Variants in C16orf96 observed in about 807,000 individuals in gnomAD.
C16orf96 encodes the protein chromosome 16 open reading frame 96.
A neutral mutation model predicts 103.6 loss-of-function variants in C16orf96; 108 were observed. That is an observed-to-expected ratio of 1.04 (90% CI 0.89 to 1.22). C16orf96 has a LOEUF of 1.22. Ranked by LOEUF, C16orf96 falls within the 50% of genes most tolerant of loss-of-function variation. The probability of loss-of-function intolerance (pLI) is 0.00; values close to 1 mark genes in which losing one functional copy is unlikely to be tolerated. For missense variants in C16orf96, 1,586 were observed against 1,464.2 expected (o/e 1.08, Z -1.36); for synonymous variants, 566 against 593.5 (o/e 0.95, Z 0.67).
intron 14 of C16orf96, among the ~76,000 whole-genome samples, chr16:4,597,630 C>T (rs1897201454): frequency 6.6e-6 from 1 of 151,876 alleles, no homozygotes; most frequent in Non-Finnish European, 1.5e-5. Context: ...GATCTCAGCT[C>T]ACTGCCATCT....
chr16:4,575,406 C>T lies in C16orf96; in HGVS notation c.926C>T (p.Pro309Leu), dbSNP rs1208085324. Residue 309 changes from proline (P) to leucine (L), a missense_variant, in exon 5 of 16, where the codon CCT becomes CTT. Physicochemically the swap from Pro to Leu is moderately conservative, Grantham distance 98 (BLOSUM62 -3). Transcript: ENST00000444310. The part of the protein sequence containing the change: ...SLSRAQEPAQ[P>L]PALTPESAPG... Reference sequence around the variant, plus strand: ...AGCAGAGCCCAGGAGCCAGCGCAGCCTCCGGCCCTCACGCCTGAGTCTGCA... The same window carrying T: ...AGCAGAGCCCAGGAGCCAGCGCAGCTTCCGGCCCTCACGCCTGAGTCTGCA... 1.3e-6 allele frequency: 2 copies of T among 1,550,378 alleles called. No homozygotes were observed. The highest frequency in any genetic ancestry group is 1.7e-6 in the Non-Finnish European group (2 of 1,146,890).
chr16:4,592,417 A>G, intron 11 of C16orf96, 50 bp downstream of exon 11: 2 of 1,544,514 alleles, frequency 1.3e-6, no homozygotes, highest in Non-Finnish European at 1.8e-6. Flanking sequence ...TGTGGGGCCC[A>G]TGGAGGTCAT....
chr16:4,547,866 C>A, the C16orf96 span, among the ~76,000 whole-genome samples: 1 of 147,570 alleles, frequency 6.8e-6, no homozygotes, highest in East Asian at 2.1e-4. Context: ...CTCCTGAGCT[C>A]AAGCTGTCTT....
In C16orf96 at chr16:4,578,929, T is replaced by G. The variant is rs1567448601; in HGVS notation, c.2156-11T>G. The G allele has an allele frequency of 6.4e-7, 1 of 1,550,646 alleles. No homozygotes were observed. Among genetic ancestry groups the G allele is most frequent in the South Asian group, 1.2e-5 (1 of 84,034 alleles). On this transcript the variant is annotated splice_polypyrimidine_tract_variant and intron_variant, in intron 5 of 15. Coordinates refer to ENST00000444310, the MANE Select transcript of C16orf96 (RefSeq NM_001145011.2). The stretch of plus-strand genomic sequence containing the variant: ...CGAGCCCTCAGCAGCCACCCTGTCC[T>G]CTGCTTTCAGCCAATATGGGAGGTC...
chr16:4,574,832 C>T (rs2059480784), intron 3 of C16orf96, 43 bp downstream of exon 3: 11 of 1,540,074 alleles, frequency 7.1e-6, no homozygotes, highest in Non-Finnish European at 8.8e-6. Context: ...CCCCTGGGAC[C>T]CCCCAACCTC....
rs541912775 is a variant in C16orf96, at chr16:4,576,869, G to A, written c.2155+234G>A. Reference sequence around the variant, plus strand: ...GGCTGTTAGGGTCTAAAGTTGGCACGAGGAAAATGGCATGCCAAAATTACT... The same window carrying A: ...GGCTGTTAGGGTCTAAAGTTGGCACAAGGAAAATGGCATGCCAAAATTACT... On this transcript the variant is annotated intron_variant, in intron 5 of 15. Coordinates refer to ENST00000444310, the MANE Select transcript of C16orf96 (RefSeq NM_001145011.2). Among the ~76,000 whole-genome samples the A allele has an allele frequency of 3.0e-3, 453 of 152,290 alleles. 3 individuals are homozygous for A. The highest frequency in any genetic ancestry group is 0.01 in the African/African-American group (429 of 41,554).
In C16orf96 at chr16:4,598,448, G is replaced by A. The variant is rs1402817672; in HGVS notation, c.3128-836G>A. The stretch of plus-strand genomic sequence containing the variant: ...ATTTCCAGGGGCTGGGGTTTGGGGC[G>A]GGGAAAGGGAGAGTGACTGCTTAAT... On this transcript the variant is annotated intron_variant, in intron 14 of 15. Coordinates refer to ENST00000444310, the MANE Select transcript of C16orf96 (RefSeq NM_001145011.2). Among the ~76,000 whole-genome samples, 3 of 152,306 alleles carry A rather than the reference G, an allele frequency of 2.0e-5. No individual in the cohort carries two copies. The East Asian group carries it at 5.8e-4, about 29-fold the overall frequency.
chr16:4,559,775 C>G (rs973153806), intron 1 of C16orf96, among the ~76,000 whole-genome samples: 6 of 152,116 alleles, frequency 3.9e-5, no homozygotes, highest in Admixed American at 1.3e-4. Flanking sequence ...CCCTGCAACC[C>G]CTGACAACCA....
chr16:4,598,542 T>C (rs996798948), intron 14 of C16orf96, among the ~76,000 whole-genome samples: 32 of 152,174 alleles, frequency 2.1e-4, no homozygotes, highest in African/African-American at 5.8e-4. Context: ...TGTGCAACGC[T>C]GTGTGCGTCC....
At chr16:4,590,211 C>T (rs1897025385) in intron 9 of C16orf96, among the ~76,000 whole-genome samples, 1 of 151,560 alleles carries the variant, frequency 6.6e-6, no homozygotes, top group South Asian at 2.1e-4. Context: ...TCACTTGAGC[C>T]CAGGGGTTTG....
In C16orf96 at chr16:4,556,546, G is replaced by T. The variant is rs780339820; in HGVS notation, c.57G>T (p.Gly19=). The change falls in exon 1 of 16, where the codon GGG becomes GGT. Residue 19 remains glycine, a synonymous_variant. Transcript: ENST00000444310. ...CCAACATCGCCATCCCACAGTGCGGGGTGCTGAACTTCAAGGCCCTGCACC... is the reference window on the plus strand; with the variant it reads ...CCAACATCGCCATCCCACAGTGCGGTGTGCTGAACTTCAAGGCCCTGCACC... ...ELANIAIPQC[G]VLNFKALHLL... The T allele has an allele frequency of 1.9e-5, 29 of 1,550,600 alleles. No homozygotes were observed. The South Asian group carries it at 3.5e-4, about 18-fold the overall frequency.
At chr16:4,541,457 C>A in the C16orf96 span, among the ~76,000 whole-genome samples, 17 of 152,160 alleles carry the variant, frequency 1.1e-4, no homozygotes, top group Non-Finnish European at 2.2e-4. Flanking sequence ...GCCTTCTATC[C>A]CAGCCACTCG....
Position 4,594,403 on chromosome 16 carries a change from C to T in C16orf96, c.2920C>T (p.Gln974Ter). 6.4e-7 allele frequency: 1 copy of T among 1,551,352 alleles called. No homozygotes were observed. Among genetic ancestry groups the T allele is most frequent in the Non-Finnish European group, 8.7e-7 (1 of 1,146,990 alleles). Residue 974 changes from glutamine to a stop codon, truncating the protein, a stop_gained, in exon 13 of 16, where the codon CAG becomes TAG. Coordinates refer to ENST00000444310, the MANE Select transcript of C16orf96 (RefSeq NM_001145011.2). LOFTEE classifies it high-confidence loss of function. ...QDLGIQEDCQ[Q>*]DWGDGPQNAT... ...CCTCGGTATCCAGGAGGATTGTCAG[C>T]AGGACTGGGGTGATGGCCCCCAAAA...
rs553981531 is a variant in C16orf96 at position 4,593,809 on chromosome 16, G to T, written c.2867+493G>T. ...AGAAACTGAGGCTCAGAGAACTGCA[G>T]TGACCTGCCCAAGGTCACTGCTAGC... On this transcript the variant is annotated intron_variant, in intron 12 of 15. Transcript: ENST00000444310. This position sits in a 1 kb window ranked among gnomAD's most constrained non-coding sequence, Gnocchi z 4.2. 6.6e-6 allele frequency among the ~76,000 whole-genome samples: 1 copy of T among 152,244 alleles called. No homozygotes were observed. Among genetic ancestry groups the T allele is most frequent in the African/African-American group, 2.4e-5 (1 of 41,544 alleles).
At chr16:4,548,515 C>T in the C16orf96 span, among the ~76,000 whole-genome samples, 1 of 152,196 alleles carries the variant, frequency 6.6e-6, no homozygotes, top group Non-Finnish European at 1.5e-5. Flanking sequence ...GGGGGAACAC[C>T]TGCTGACCTT....
chr16:4,573,438 C>CAAAAA (rs71139644), intron 2 of C16orf96, among the ~76,000 whole-genome samples: 1 of 69,712 alleles, frequency 1.4e-5, no homozygotes. Flanking sequence ...GACTCCGTCT[C>CAAAAA]AAAAAAAAAA....
the C16orf96 span, among the ~76,000 whole-genome samples, chr16:4,547,686 TTCC>T: frequency 4.7e-4 from 10 of 21,348 alleles, no homozygotes; most frequent in African/African-American, 5.8e-4. Flanking sequence ...CCTTCCTTCC[TTCC>T]TTCTTTCTTT....
At chr16:4,545,689 C>T in the C16orf96 span, among the ~76,000 whole-genome samples, 1 of 152,174 alleles carries the variant, frequency 6.6e-6, no homozygotes, top group Non-Finnish European at 1.5e-5. Flanking sequence ...ACCAACAGCA[C>T]CCACCTCCCA....
At position 4,593,349 on chromosome 16, in the gene C16orf96, C is replaced by G; in HGVS notation, c.2867+33C>G. ...GGATGGGCGCCCCGCAGGGAGGCCGCCCCGCATGGAGGCCACTCTGGAGCC... is the reference window on the plus strand; with the variant it reads ...GGATGGGCGCCCCGCAGGGAGGCCGGCCCGCATGGAGGCCACTCTGGAGCC... On this transcript the variant is annotated intron_variant, in intron 12 of 15. Transcript: ENST00000444310. This position sits in a 1 kb window ranked among gnomAD's most constrained non-coding sequence, Gnocchi z 4.2. 6.5e-7 allele frequency: 1 copy of G among 1,534,024 alleles called. No homozygotes were observed. Among genetic ancestry groups the G allele is most frequent in the Non-Finnish European group, 8.8e-7 (1 of 1,134,408 alleles).
Sources: gnomAD v4.1 joint callset for allele counts (sites outside exome capture counted in the v4.1 genomes callset) on GRCh38, gnomAD v4.1.1 for gene constraint, Gnocchi (gnomAD v3.1) non-coding constraint, MANE v1.5 for transcripts, NCBI Gene and HGNC (gene_info 2026-07-23, HGNC 2026-07-21) for gene names.